Variants in VPS4B observed in about 807,000 individuals in gnomAD.
VPS4B encodes the protein vacuolar protein sorting 4 homolog B.
In VPS4B, 23 loss-of-function variants were observed where a neutral mutation model predicts 56.1. The ratio of observed to expected loss-of-function variants is 0.41; its 90% confidence interval spans 0.30 to 0.58. The LOEUF is 0.58. Among genes scored for constraint, VPS4B ranks in the 20% least tolerant of loss-of-function variants. The pLI, the probability that VPS4B is intolerant of heterozygous loss-of-function variation, is 0.29. For missense variants in VPS4B, 372 were observed against 531.9 expected (o/e 0.70, Z 2.96); for synonymous variants, 177 against 186.0 (o/e 0.95, Z 0.39).
In VPS4B at chr18:63,400,061, T is replaced by G. The variant is rs760860081; in HGVS notation, c.777A>C (p.Leu259=). The change falls in exon 7 of 11, where the codon CTA becomes CTC. Residue 259 remains leucine, a synonymous_variant. Coordinates refer to ENST00000238497, the MANE Select transcript of VPS4B (RefSeq NM_004869.4). ...EAARRIKTEF[L]VQMQGVGVDN... is the part of the protein sequence containing the mutation. Reference sequence around the variant, plus strand: ...TAGTAACACTACCTTGCATTTGCACTAGGAACTCCGTCTTAATTCTACGTG... The same window carrying G: ...TAGTAACACTACCTTGCATTTGCACGAGGAACTCCGTCTTAATTCTACGTG... 5 of 1,604,990 alleles carry G rather than the reference T, an allele frequency of 3.1e-6. No individual in the cohort carries two copies. Among genetic ancestry groups the G allele is most frequent in the East Asian group, 4.5e-5 (2 of 44,764 alleles).
At chr18:63,406,881 CCT>C (rs1370125760) in intron 4 of VPS4B, among the ~76,000 whole-genome samples, 2 of 152,172 alleles carry the variant, frequency 1.3e-5, no homozygotes, top group Non-Finnish European at 2.9e-5. Context: ...ACCTATGTCC[CCT>C]CTGTTATGCC....
chr18:63,422,321 T>C lies in VPS4B; in HGVS notation c.-62A>G. The stretch of plus-strand genomic sequence containing the variant: ...GCGAGGAGAGCCAACAGCAGCAACG[T>C]CGAAGCGCGCACGGGGTAACAGCCC... On this transcript the variant is annotated 5_prime_UTR_variant, in exon 1 of 11. Transcript: ENST00000238497. 1 of 1,425,454 alleles carries C rather than the reference T, an allele frequency of 7.0e-7. No individual in the cohort carries two copies. The highest frequency in any genetic ancestry group is 9.3e-7 in the Non-Finnish European group (1 of 1,080,378). The allele number at this position is 1,425,454 out of a possible 1,614,324, so 88.3% of individuals were successfully genotyped here.
chr18:63,400,480 T>C, intron 6 of VPS4B, 67 bp downstream of exon 6: 1 of 1,463,192 alleles, frequency 6.8e-7, no homozygotes, highest in Non-Finnish European at 9.2e-7. Context: ...ATGTAAGAAA[T>C]CTATTAAGGA....
intron 1 of VPS4B, chr18:63,415,657 G>A: frequency 4.1e-6 from 1 of 245,982 alleles, no homozygotes; most frequent in Non-Finnish European, 8.8e-6. Flanking sequence ...AGTTGGTTGA[G>A]CAGTTCCAGC....
chr18:63,413,729 A>G (rs1193157496), intron 1 of VPS4B, among the ~76,000 whole-genome samples: 1 of 152,150 alleles, frequency 6.6e-6, no homozygotes, highest in Admixed American at 6.5e-5. Context: ...GCAAAAAATC[A>G]TTCAAACAAT....
At chr18:63,415,087 C>T (rs557858781) in intron 1 of VPS4B, among the ~76,000 whole-genome samples, 8 of 152,256 alleles carry the variant, frequency 5.3e-5, no homozygotes, top group South Asian at 2.1e-4. Context: ...TAATCGAAGA[C>T]GATGAATTAA....
chr18:63,393,633 T>C (rs1915605267), intron 9 of VPS4B, 84 bp from the exon 10 acceptor site: 2 of 1,272,346 alleles, frequency 1.6e-6, no homozygotes, highest in African/African-American at 3.1e-5. Flanking sequence ...AGTTAAAATG[T>C]ATAATAGTTT....
Position 63,397,215 on chromosome 18 carries a change from T to C in VPS4B, c.911A>G (p.His304Arg), listed in dbSNP as rs768849402. Residue 304 changes from histidine (H) to arginine (R), a missense_variant, in exon 9 of 11, where the codon CAT (histidine) becomes CGT (arginine). Physicochemically the swap from His to Arg is conservative, Grantham distance 29. This residue lies in a region of VPS4B where 153 missense variants were observed against 190.9 expected (regional missense o/e 0.80). Transcript: ENST00000238497. The stretch of plus-strand genomic sequence containing the variant: ...CAGTTTAAACATTGCTGCTCGGGCA[T>C]GGGGTTCCGGCAAGGGAATATAAAT... Reference protein sequence around the residue: ...KRIYIPLPEPHARAAMFKLHL... With the variant: ...KRIYIPLPEPRARAAMFKLHL... 8 of 1,613,446 alleles carry C rather than the reference T, an allele frequency of 5.0e-6. No homozygotes were observed. Among genetic ancestry groups the C allele is most frequent in the Admixed American group, 1.7e-5 (1 of 59,918 alleles).
Position 63,400,175 on chromosome 18 carries a change from T to C in VPS4B, c.663A>G (p.Gln221=), listed in dbSNP as rs775313189. The change falls in exon 7 of 11, where the codon CAA becomes CAG. Residue 221 remains glutamine, a synonymous_variant. Coordinates refer to ENST00000238497, the MANE Select transcript of VPS4B (RefSeq NM_004869.4). ...ESEKLVKNLF[Q]LARENKPSII... is the part of the protein sequence containing the mutation. ...TGGAGGGCTTGTTCTCTCTGGCAAG[T>C]TGGAATAAATTCTTAACCAGTCTAA... 7.5e-6 allele frequency: 12 copies of C among 1,607,676 alleles called. No homozygotes were observed. In the East Asian group the frequency reaches 2.2e-4, roughly 30 times the overall value.
At chr18:63,410,006 C>G (rs773767577) in intron 3 of VPS4B, among the ~76,000 whole-genome samples, 1 of 151,998 alleles carries the variant, frequency 6.6e-6, no homozygotes, top group Non-Finnish European at 1.5e-5. Context: ...GGTCAGCAAA[C>G]TTTTTTTTGT....
chr18:63,395,263 G>A (rs542697593), intron 9 of VPS4B, among the ~76,000 whole-genome samples: 1 of 152,250 alleles, frequency 6.6e-6, no homozygotes, highest in Non-Finnish European at 1.5e-5. Context: ...GTTTCTAAAT[G>A]GCAAAGAGAA....
chr18:63,422,133 C>G (rs1383712187), intron 1 of VPS4B, 100 bp downstream of exon 1: 32 of 1,306,564 alleles, frequency 2.4e-5, no homozygotes, highest in Non-Finnish European at 3.0e-5. Context: ...GCCTCGACCA[C>G]AGGCGCGGCC....
Position 63,400,148 on chromosome 18 carries a change from A to G in VPS4B, c.690T>C (p.Ile230=), listed in dbSNP as rs1281562566. Residue 230 remains isoleucine, a synonymous_variant, in exon 7 of 11, where the codon ATT becomes ATC. Transcript: ENST00000238497. ...FQLARENKPS[I]IFIDEIDSLC... is the part of the protein sequence containing the mutation. ...GAGAATCAATTTCATCAATGAAGATAATGGAGGGCTTGTTCTCTCTGGCAA... is the reference window on the plus strand; with the variant it reads ...GAGAATCAATTTCATCAATGAAGATGATGGAGGGCTTGTTCTCTCTGGCAA... 2 of 1,613,616 alleles carry G rather than the reference A, an allele frequency of 1.2e-6. No homozygotes were observed. Among genetic ancestry groups the G allele is most frequent in the Non-Finnish European group, 8.5e-7 (1 of 1,179,820 alleles).
Position 63,389,641 on chromosome 18 carries a change from T to C in VPS4B, c.*1334A>G, listed in dbSNP as rs1915498632. Reference sequence around the variant, plus strand: ...TCGTTTATTATTTTTTAATGAGTCATGAGCTCATTTCTAAAGCTTCATAAA... The same window carrying C: ...TCGTTTATTATTTTTTAATGAGTCACGAGCTCATTTCTAAAGCTTCATAAA... On this transcript the variant is annotated 3_prime_UTR_variant, in exon 11 of 11. Transcript: ENST00000238497. 6.6e-6 allele frequency: 1 copy of C among 152,654 alleles called. No homozygotes were observed. Among genetic ancestry groups the C allele is most frequent in the Non-Finnish European group, 1.5e-5 (1 of 68,050 alleles). 9.5% of individuals were successfully genotyped at this position (152,654 alleles called of 1,614,324 possible).
At chr18:63,398,537 TA>T (rs879809693) in intron 8 of VPS4B, among the ~76,000 whole-genome samples, 548 of 138,232 alleles carry the variant, frequency 4.0e-3, no homozygotes, top group Middle Eastern at 7.4e-3. Flanking sequence ...TAGTTTTTAC[TA>T]AAAAAAAAAA....
rs76770450 is a variant in VPS4B, at chr18:63,420,722, T to C, written c.27+1511A>G. On this transcript the variant is annotated intron_variant, in intron 1 of 10. Transcript: ENST00000238497. ...AAAAACTCAAGTGAAGATTGCTGAA[T>C]CTTAGTTTAATACAACCTTGGTGAA... is the stretch of plus-strand genomic sequence containing the variant. Among the ~76,000 whole-genome samples the C allele has an allele frequency of 9.6e-3, 1,458 of 152,110 alleles. 29 individuals carry two copies. Among genetic ancestry groups the C allele is most frequent in the African/African-American group, 0.033 (1,389 of 41,484 alleles).
At chr18:63,399,141 T>C in intron 8 of VPS4B, 101 bp downstream of exon 8, 1 of 1,106,892 alleles carries the variant, frequency 9.0e-7, no homozygotes, top group Non-Finnish European at 1.3e-6. Context: ...TACAAATCTT[T>C]TGAAAAGTTG....
intron 1 of VPS4B, among the ~76,000 whole-genome samples, chr18:63,413,177 T>C (rs1396350283): frequency 6.6e-6 from 1 of 152,212 alleles, no homozygotes; most frequent in African/African-American, 2.4e-5. Flanking sequence ...TGGTGGAATG[T>C]ATCAATATCA....
chr18:63,412,616 T>TA (rs1292274737), intron 1 of VPS4B, among the ~76,000 whole-genome samples: 14 of 152,332 alleles, frequency 9.2e-5, no homozygotes, highest in South Asian at 6.2e-4. Flanking sequence ...AATTCTGACT[T>TA]AAACTTAATA....
Sources: allele counts gnomAD v4.1 joint callset (sites outside exome capture counted in the v4.1 genomes callset), GRCh38; gene constraint gnomAD v4.1.1; regional missense constraint gnomAD v4.1.1; transcripts MANE v1.5; gene names NCBI Gene and HGNC (gene_info 2026-07-23, HGNC 2026-07-21).